The following DPP10 variants were observed in gnomAD, a reference collection of about 807,000 sequenced individuals.
The protein encoded by DPP10 is dipeptidyl peptidase like 10, also known as inactive dipeptidyl peptidase 10.
A neutral mutation model predicts 120.9 loss-of-function variants in DPP10; 33 were observed. That is an observed-to-expected ratio of 0.27 (90% confidence interval 0.21 to 0.37). The LOEUF is 0.37. Among genes scored for constraint, DPP10 ranks in the 10% least tolerant of loss-of-function variants. The pLI, the probability that DPP10 is intolerant of heterozygous loss-of-function variation, is 1.00. For synonymous variants in DPP10, 337 were observed against 326.1 expected, an observed-to-expected ratio of 1.03 and a Z score of -0.36; for missense variants, 816 against 942.8, an observed-to-expected ratio of 0.87 and a Z score of 1.76.
intron 1 of DPP10, among the ~76,000 whole-genome samples, chr2:114,522,696 A>G (rs1289755156): frequency 1.3e-5 from 2 of 152,142 alleles, no homozygotes; most frequent in African/African-American, 2.4e-5. Flanking sequence ...GCTGATAAAG[A>G]CATAACAGAC....
chr2:115,788,254 C>G (rs1355053036), intron 17 of DPP10, among the ~76,000 whole-genome samples: 2 of 152,026 alleles, frequency 1.3e-5, no homozygotes, highest in Non-Finnish European at 2.9e-5. Flanking sequence ...TTAGGGGTTA[C>G]TACAGTTGTG....
At chr2:114,752,563 A>G (rs1679338745) in intron 1 of DPP10, among the ~76,000 whole-genome samples, 1 of 152,166 alleles carries the variant, frequency 6.6e-6, no homozygotes, top group Admixed American at 6.5e-5. Context: ...ACTCACCGCC[A>G]AGAGCCTGAG....
intron 1 of DPP10, among the ~76,000 whole-genome samples, chr2:115,009,877 A>G (rs1368934243): frequency 6.6e-6 from 1 of 152,208 alleles, no homozygotes; most frequent in Non-Finnish European, 1.5e-5. Context: ...TCATTAATAC[A>G]AATTTTTTTA....
chr2:115,464,670 C>T (rs544720744), intron 3 of DPP10, among the ~76,000 whole-genome samples: 2 of 152,272 alleles, frequency 1.3e-5, no homozygotes, highest in South Asian at 4.2e-4. Flanking sequence ...AATGAACTCT[C>T]ACAGACCAGG....
intron 1 of DPP10, among the ~76,000 whole-genome samples, chr2:115,103,563 A>T (rs1191426569): frequency 1.3e-5 from 2 of 152,174 alleles, no homozygotes; most frequent in African/African-American, 4.8e-5. Flanking sequence ...TTCCAGAGTT[A>T]ACTTGGATAT....
chr2:115,614,979 A>G (rs910193852), intron 5 of DPP10, among the ~76,000 whole-genome samples: 7 of 152,212 alleles, frequency 4.6e-5, no homozygotes, highest in African/African-American at 1.7e-4. Flanking sequence ...TTTAAATAAT[A>G]TAAATTATTA....
intron 5 of DPP10, among the ~76,000 whole-genome samples, chr2:115,593,110 A>G (rs561028650): frequency 6.6e-6 from 1 of 152,334 alleles, no homozygotes; most frequent in Admixed American, 6.5e-5. Flanking sequence ...AAATTTAAAC[A>G]TATTGTTTAA....
chr2:115,701,240 C>T (rs1286409772), intron 7 of DPP10, among the ~76,000 whole-genome samples: 1 of 151,958 alleles, frequency 6.6e-6, no homozygotes, highest in African/African-American at 2.4e-5. Flanking sequence ...TGTGCTGGTA[C>T]AAAGACAGTA....
intron 1 of DPP10, chr2:114,833,361 C>G (rs1687312923): frequency 6.6e-6 from 1 of 151,152 alleles, no homozygotes; most frequent in Non-Finnish European, 1.5e-5. Context: ...ATTAAATTAT[C>G]TAGATGTTTC....
intron 5 of DPP10, among the ~76,000 whole-genome samples, chr2:115,679,708 C>T (rs1328620595): frequency 6.6e-6 from 1 of 152,000 alleles, no homozygotes; most frequent in African/African-American, 2.4e-5. Flanking sequence ...ATGGATAAAC[C>T]TGGAAGACAT....
rs556050613 is a variant in DPP10 at position 115,058,276 on chromosome 2, CAAAAAAAAAAAAAAA to C, written c.61-250950_61-250936del. On this transcript the variant is annotated intron_variant, in intron 1 of 25. Coordinates refer to ENST00000410059, the MANE Select transcript of DPP10 (RefSeq NM_020868.6). ...AGGCTAGCTTTTAATCATAAAGGGA[CAAAAAAAAAAAAAAA>C]AAAAAAAAAAAAGGCACACTCCTAG... 4.6e-3 allele frequency among the ~76,000 whole-genome samples: 521 copies of C among 113,992 alleles called. 6 individuals are homozygous for C. The highest frequency in any genetic ancestry group is 0.016 in the African/African-American group (492 of 30,276). The allele number at this position is 113,992 out of a possible 152,430, so 74.8% of individuals were successfully genotyped here.
At chr2:114,868,646 A>G (rs1690432098) in intron 1 of DPP10, among the ~76,000 whole-genome samples, 1 of 152,230 alleles carries the variant, frequency 6.6e-6, no homozygotes, top group East Asian at 1.9e-4. Flanking sequence ...ATAATTCCCA[A>G]GATCCAAGGT....
chr2:115,185,491 T>C (rs2054371376), intron 1 of DPP10, among the ~76,000 whole-genome samples: 2 of 152,196 alleles, frequency 1.3e-5, no homozygotes, highest in South Asian at 2.1e-4. Context: ...GGAATTTTAA[T>C]GTACCATTTT....
rs2104668343 is a variant in DPP10 at position 114,522,335 on chromosome 2, T to C, written c.60+79497T>C. 1.3e-5 allele frequency among the ~76,000 whole-genome samples: 2 copies of C among 152,130 alleles called. 1 individual carries two copies. The highest frequency in any genetic ancestry group is 4.2e-4 in the South Asian group (2 of 4,812). ...GCTGTTCTTCAATGTAAAGGCTATA[T>C]ACTAATAAGCAATCTAGGCTATAAC... On this transcript the variant is annotated intron_variant, in intron 1 of 25. Coordinates refer to ENST00000410059, the MANE Select transcript of DPP10 (RefSeq NM_020868.6).
intron 1 of DPP10, among the ~76,000 whole-genome samples, chr2:114,774,664 TG>T (rs1281855918): frequency 2.0e-5 from 3 of 146,960 alleles, no homozygotes; most frequent in South Asian, 2.3e-4. Flanking sequence ...TCAATAATGA[TG>T]TATATATATA....
intron 8 of DPP10, among the ~76,000 whole-genome samples, chr2:115,738,050 T>A (rs1166260110): frequency 1.3e-5 from 2 of 152,218 alleles, no homozygotes; most frequent in Non-Finnish European, 2.9e-5. Context: ...TAATGTGTTA[T>A]TTATAAGATT....
At chr2:114,618,531 CT>C (rs1436504533) in intron 1 of DPP10, among the ~76,000 whole-genome samples, 1 of 152,012 alleles carries the variant, frequency 6.6e-6, no homozygotes, top group Non-Finnish European at 1.5e-5. Flanking sequence ...ACTCAATACT[CT>C]AAGCATATTT....
intron 1 of DPP10, among the ~76,000 whole-genome samples, chr2:114,618,094 A>T: frequency 6.6e-6 from 1 of 152,138 alleles, no homozygotes; most frequent in Non-Finnish European, 1.5e-5. Flanking sequence ...AAATATATTT[A>T]GAAAGGAGAA....
chr2:115,432,659 T>TTGTGTGTGTGTGTG (rs59844767), intron 3 of DPP10, among the ~76,000 whole-genome samples: 1,406 of 137,712 alleles, frequency 0.01, 22 homozygotes, highest in African/African-American at 0.019. Flanking sequence ...ATAGGCAATT[T>TTGTGTGTGTGTGTG]TGTGTGTGTG....
Sources: allele counts gnomAD v4.1 joint callset (sites outside exome capture counted in the v4.1 genomes callset), GRCh38; gene constraint gnomAD v4.1.1; transcripts MANE v1.5; gene names NCBI Gene and HGNC (gene_info 2026-07-23, HGNC 2026-07-21).